Variants in DOCK3 observed in about 807,000 individuals in gnomAD.
The protein encoded by DOCK3 is dedicator of cytokinesis protein 3.
In DOCK3, 60 loss-of-function variants were observed where a neutral mutation model predicts 265.6. The observed-to-expected ratio is 0.23, with a 90% confidence interval of 0.18 to 0.28. The LOEUF (loss-of-function observed/expected upper bound fraction) is 0.28. Among genes scored for constraint, DOCK3 ranks in the 10% least tolerant of loss-of-function variants. DOCK3 has a pLI of 1.00. For synonymous variants in DOCK3, 881 were observed against 938.0 expected, an observed-to-expected ratio of 0.94 and a Z score of 1.11; for missense variants, 1,981 against 2,594.3, an observed-to-expected ratio of 0.76 and a Z score of 5.14.
intron 1 of DOCK3, among the ~76,000 whole-genome samples, chr3:50,742,906 A>G (rs1353976418): frequency 6.6e-6 from 1 of 152,198 alleles, no homozygotes; most frequent in East Asian, 1.9e-4. Context: ...AGATTCACCA[A>G]AGTTGAAATG....
At chr3:51,276,004 A>G (rs575054280) in intron 25 of DOCK3, among the ~76,000 whole-genome samples, 1 of 152,366 alleles carries the variant, frequency 6.6e-6, no homozygotes, top group Non-Finnish European at 1.5e-5. Flanking sequence ...TTTTTAAATT[A>G]TACCATTTTA....
chr3:50,746,728 T>C (rs1433814575), intron 1 of DOCK3, among the ~76,000 whole-genome samples: 1 of 152,128 alleles, frequency 6.6e-6, no homozygotes, highest in Admixed American at 6.6e-5. Flanking sequence ...GGGGAGCCAG[T>C]ACATCACATG....
rs368684021 is a variant in DOCK3 at position 51,253,751 on chromosome 3, T to C, written c.2185-6405T>C. Among the ~76,000 whole-genome samples the C allele has an allele frequency of 3.3e-5, 5 of 152,222 alleles. No homozygotes were observed. The South Asian group carries it at 1.0e-3, about 32-fold the overall frequency. On this transcript the variant is annotated intron_variant, in intron 22 of 52. Transcript: ENST00000266037. ...TTATTGCATCTATTTGATTCTTCTC[T>C]CTTTTCTTCTTTATTAGTCTTGCTA...
In DOCK3 at chr3:51,350,215, A is replaced by G. The variant is rs1002722952; in HGVS notation, c.4003-73A>G. 5.3e-6 allele frequency: 7 copies of G among 1,327,722 alleles called. No individual in the cohort carries two copies. The Admixed American group carries it at 1.1e-4, about 21-fold the overall frequency. The allele number at this position is 1,327,722 out of a possible 1,614,324, so 82.2% of individuals were successfully genotyped here. ...GATCCCTTTCCAGAAGACAGTGTCC[A>G]GTTGGGCCTGGGAGAACTTCCTTTG... On this transcript the variant is annotated intron_variant, in intron 39 of 52. Coordinates refer to ENST00000266037, the MANE Select transcript of DOCK3 (RefSeq NM_004947.5).
At chr3:51,255,236 C>G (rs920934565) in intron 22 of DOCK3, among the ~76,000 whole-genome samples, 2 of 152,120 alleles carry the variant, frequency 1.3e-5, no homozygotes, top group Non-Finnish European at 2.9e-5. Context: ...TGAGAGATCC[C>G]CTGTTAGTCT....
intron 2 of DOCK3, among the ~76,000 whole-genome samples, chr3:50,817,813 G>A (rs1367444565): frequency 2.0e-5 from 3 of 151,942 alleles, no homozygotes; most frequent in Non-Finnish European, 4.4e-5. Context: ...TGGCTGCTGA[G>A]CCTTAGTTTT....
chr3:51,161,859 A>G (rs920398263), intron 12 of DOCK3, among the ~76,000 whole-genome samples: 9 of 152,312 alleles, frequency 5.9e-5, no homozygotes, highest in African/African-American at 1.9e-4. Flanking sequence ...CTGGAGATCG[A>G]TAAGTCACAT....
chr3:50,886,562 C>T (rs2048350672), intron 3 of DOCK3, among the ~76,000 whole-genome samples: 1 of 125,068 alleles, frequency 8.0e-6, no homozygotes, highest in African/African-American at 3.0e-5. Context: ...TCCCCCCTCC[C>T]CCCACCCCAC....
At chr3:51,019,450 T>C (rs1166521296) in intron 5 of DOCK3, among the ~76,000 whole-genome samples, 2 of 151,922 alleles carry the variant, frequency 1.3e-5, no homozygotes, top group Admixed American at 6.6e-5. Context: ...TTAGTTTATT[T>C]ATAGATTCTA....
At chr3:50,794,929 A>G (rs1444125979) in intron 2 of DOCK3, among the ~76,000 whole-genome samples, 4 of 152,118 alleles carry the variant, frequency 2.6e-5, no homozygotes, top group Non-Finnish European at 5.9e-5. Context: ...GTCTGAGGGT[A>G]ACGAATTTCC....
At chr3:50,806,820 A>G (rs1290170721) in intron 2 of DOCK3, among the ~76,000 whole-genome samples, 2 of 152,068 alleles carry the variant, frequency 1.3e-5, no homozygotes, top group African/African-American at 2.4e-5. Flanking sequence ...GTCTTGCTGC[A>G]ATAGCTTGGC....
rs997778209 is a variant in DOCK3 at position 50,978,747 on chromosome 3, G to A, written c.315+44670G>A. Among the ~76,000 whole-genome samples the A allele has an allele frequency of 1.4e-4, 22 of 152,244 alleles. 1 individual carries two copies. In the East Asian group the frequency reaches 1.7e-3, roughly 12 times the overall value. On this transcript the variant is annotated intron_variant, in intron 5 of 52. Coordinates refer to ENST00000266037, the MANE Select transcript of DOCK3 (RefSeq NM_004947.5). ...TGGCGGGCGCCCCTCCCCCAGCCTC[G>A]CTGCCGCCTTGCAGTTTGATCTGAA...
intron 46 of DOCK3, among the ~76,000 whole-genome samples, chr3:51,358,828 C>T (rs1207306469): frequency 6.6e-6 from 1 of 152,214 alleles, no homozygotes; most frequent in East Asian, 1.9e-4. Context: ...ACCAGTATTC[C>T]TTGGCAGGGT....
chr3:51,080,008 C>T (rs543183313), intron 7 of DOCK3, among the ~76,000 whole-genome samples: 1 of 152,316 alleles, frequency 6.6e-6, no homozygotes, highest in South Asian at 2.1e-4. Context: ...AATGTTTATA[C>T]ATTCATTTCT....
At chr3:51,188,443 G>T (rs952409187) in intron 12 of DOCK3, among the ~76,000 whole-genome samples, 29 of 152,190 alleles carry the variant, frequency 1.9e-4, no homozygotes, top group African/African-American at 6.3e-4. Context: ...TAGTGGTCAA[G>T]TCAGGGTATT....
At chr3:51,181,757 G>A (rs1159619799) in intron 12 of DOCK3, among the ~76,000 whole-genome samples, 1 of 152,176 alleles carries the variant, frequency 6.6e-6, no homozygotes, top group Non-Finnish European at 1.5e-5. Context: ...AACTTCAGAG[G>A]TGATAGAATG....
At chr3:51,249,536 G>A (rs1439784918) in intron 22 of DOCK3, among the ~76,000 whole-genome samples, 9 of 91,328 alleles carry the variant, frequency 9.9e-5, no homozygotes, top group South Asian at 8.0e-4. Context: ...CAGCCGCCCG[G>A]TCCGGGAGGG....
intron 38 of DOCK3, among the ~76,000 whole-genome samples, chr3:51,345,444 C>G (rs2110133011): frequency 6.6e-6 from 1 of 152,248 alleles, no homozygotes; most frequent in Non-Finnish European, 1.5e-5. Flanking sequence ...GACCCCATCT[C>G]TATAAAATAT....
rs924750276 is a variant in DOCK3 at position 50,960,640 on chromosome 3, T to C, written c.315+26563T>C. 2.6e-5 allele frequency among the ~76,000 whole-genome samples: 4 copies of C among 152,188 alleles called. No individual in the cohort carries two copies. In the East Asian group the frequency reaches 7.7e-4, roughly 29 times the overall value. On this transcript the variant is annotated intron_variant, in intron 5 of 52. Coordinates refer to ENST00000266037, the MANE Select transcript of DOCK3 (RefSeq NM_004947.5). Reference sequence around the variant, plus strand: ...AAAATATTTTCTACCAGTGTGTGGCTGTTCTTTTCACTTTCTTAATACATA... The same window carrying C: ...AAAATATTTTCTACCAGTGTGTGGCCGTTCTTTTCACTTTCTTAATACATA...
Sources: allele counts gnomAD v4.1 joint callset (sites outside exome capture counted in the v4.1 genomes callset), GRCh38; gene constraint gnomAD v4.1.1; transcripts MANE v1.5; gene names NCBI Gene and HGNC (gene_info 2026-07-23, HGNC 2026-07-21).